The following RCOR3 variants were observed in gnomAD, a reference collection of about 807,000 sequenced individuals.
RCOR3 encodes the protein REST corepressor 3.
A neutral mutation model predicts 64.1 loss-of-function variants in RCOR3; 13 were observed. The ratio of observed to expected loss-of-function variants is 0.20; its 90% CI spans 0.13 to 0.32. The LOEUF is 0.32. Ranked by LOEUF, RCOR3 falls within the 10% of genes least tolerant of loss-of-function variation. The probability of loss-of-function intolerance (pLI) is 1.00; values close to 1 mark genes in which losing one functional copy is unlikely to be tolerated. For missense variants in RCOR3, 489 were observed against 701.2 expected, an observed-to-expected ratio of 0.70 and a Z score of 3.42; for synonymous variants, 215 against 239.0, an observed-to-expected ratio of 0.90 and a Z score of 0.93.
At chr1:211,271,991 T>C (rs1696268329) in intron 3 of RCOR3, 1 of 156,660 alleles carries the variant, frequency 6.4e-6, no homozygotes, top group Admixed American at 6.1e-5. Context: ...TAAACTTGTC[T>C]TTTTAGAATA....
rs555950357 is a variant in RCOR3 at position 211,296,207 on chromosome 1, A to T, written c.1017+454A>T. ...ATTGTCTTTGGCTCAGCTTCCACTT[A>T]TGATTTTAGTATGTGGACTTACATT... On this transcript the variant is annotated intron_variant, in intron 9 of 11. Transcript: ENST00000419091. Among the ~76,000 whole-genome samples the T allele has an allele frequency of 2.0e-5, 3 of 152,284 alleles. No homozygotes were observed. In the East Asian group the frequency reaches 5.8e-4, roughly 29 times the overall value.
rs1169650375 is a variant in RCOR3, at chr1:211,312,323, T to C, written c.1076-397T>C. 1 of 458,942 alleles carries C rather than the reference T, an allele frequency of 2.2e-6. No homozygotes were observed. The highest frequency in any genetic ancestry group is 1.5e-5 in the South Asian group (1 of 64,594). The allele number at this position is 458,942 out of a possible 1,614,324, so 28.4% of individuals were successfully genotyped here. On this transcript the variant is annotated intron_variant, in intron 10 of 11. Coordinates refer to ENST00000419091, the MANE Select transcript of RCOR3 (RefSeq NM_001136223.3). The surrounding 1 kb of genome is among the most constrained non-coding windows in gnomAD (Gnocchi z 5.0). ...AGAGAGATGGCTCATTCCCATCCAG[T>C]TTTGTTTACAAACGATGTTGCTCAA... is the stretch of plus-strand genomic sequence containing the variant.
rs145853875 is a variant in RCOR3, at chr1:211,284,955, TC to T, written c.721-4220del. Among the ~76,000 whole-genome samples, 1,150 of 152,350 alleles carry T rather than the reference TC, an allele frequency of 7.5e-3. 9 individuals carry two copies. Among genetic ancestry groups the T allele is most frequent in the Middle Eastern group, 0.027 (8 of 294 alleles). Reference sequence around the variant, plus strand: ...TTGTCAGTTAAATATTCCTTGCTAATCCCACATTTTTTCAATTACTTATAAT... The same window carrying T: ...TTGTCAGTTAAATATTCCTTGCTAATCCACATTTTTTCAATTACTTATAAT... On this transcript the variant is annotated intron_variant, in intron 7 of 11. Coordinates refer to ENST00000419091, the MANE Select transcript of RCOR3 (RefSeq NM_001136223.3).
chr1:211,283,576 G>A (rs1361577738), intron 7 of RCOR3, among the ~76,000 whole-genome samples: 1 of 152,180 alleles, frequency 6.6e-6, no homozygotes, highest in South Asian at 2.1e-4. Flanking sequence ...TCATTCATCA[G>A]GTAACTACTG....
intron 10 of RCOR3, among the ~76,000 whole-genome samples, chr1:211,308,698 T>TTTTTTTTTTG (rs1701171863): frequency 4.9e-5 from 2 of 40,846 alleles, no homozygotes; most frequent in African/African-American, 1.4e-4. Flanking sequence ...TTTTTTTTTT[T>TTTTTTTTTTG]TGTGTAGTCC....
rs1024260421 is a variant in RCOR3, at chr1:211,314,003, A to G, written c.*235A>G. On this transcript the variant is annotated 3_prime_UTR_variant, in exon 12 of 12. Transcript: ENST00000419091. ...TCCTTTCTAGAGTATATGTTCAGCA[A>G]TGTTGATCTCATAAAAGGAAAAACA... 5 of 483,178 alleles carry G rather than the reference A, an allele frequency of 1.0e-5. No homozygotes were observed. Among genetic ancestry groups the G allele is most frequent in the African/African-American group, 6.0e-5 (3 of 49,994 alleles). The allele number at this position is 483,178 out of a possible 1,614,324, so 29.9% of individuals were successfully genotyped here.
chr1:211,263,952 G>A (rs1249554323), intron 2 of RCOR3, among the ~76,000 whole-genome samples: 1 of 150,168 alleles, frequency 6.7e-6, no homozygotes, highest in Non-Finnish European at 1.5e-5. Flanking sequence ...CAAGTAGCTG[G>A]GACTACAGGC....
chr1:211,263,502 T>G (rs1694713023), intron 2 of RCOR3, among the ~76,000 whole-genome samples: 1 of 152,232 alleles, frequency 6.6e-6, no homozygotes, highest in East Asian at 1.9e-4. Flanking sequence ...GTTCACTTAC[T>G]CATTTTCTGC....
chr1:211,264,124 A>G (rs1681816047), intron 2 of RCOR3, among the ~76,000 whole-genome samples: 1 of 152,144 alleles, frequency 6.6e-6, no homozygotes, highest in African/African-American at 2.4e-5. Flanking sequence ...CACCCTGCCA[A>G]AAAGATATTT....
At chr1:211,265,112 A>G (rs1198219752) in intron 2 of RCOR3, among the ~76,000 whole-genome samples, 4 of 152,254 alleles carry the variant, frequency 2.6e-5, no homozygotes, top group Non-Finnish European at 5.9e-5. Flanking sequence ...TTACATATCC[A>G]TGAAATAATT....
At chr1:211,284,479 G>C (rs17188916) in intron 7 of RCOR3, among the ~76,000 whole-genome samples, 17,859 of 151,472 alleles carry the variant, frequency 0.12, 1,162 homozygotes, top group South Asian at 0.2. Flanking sequence ...CAGTAAATAA[G>C]TTCATGTTGT....
In RCOR3 at chr1:211,261,932, A is replaced by AAAAAAAAC. The variant is rs1694362364; in HGVS notation, c.223+1775_223+1776insCAAAAAAA. ...GAGTGAGACTCCATCTCAAAAAAAA[A>AAAAAAAAC]AAAAAAAAACTGAATTCAATTCCTA... is the stretch of plus-strand genomic sequence containing the variant. On this transcript the variant is annotated intron_variant, in intron 2 of 11. Coordinates refer to ENST00000419091, the MANE Select transcript of RCOR3 (RefSeq NM_001136223.3). Among the ~76,000 whole-genome samples, 4 of 141,094 alleles carry AAAAAAAAC rather than the reference A, an allele frequency of 2.8e-5. 1 individual carries two copies. The highest frequency in any genetic ancestry group is 7.1e-5 in the Admixed American group (1 of 14,082). 92.6% of individuals were successfully genotyped at this position (141,094 alleles called of 152,430 possible).
chr1:211,259,785 C>G lies in RCOR3; in HGVS notation c.166+59C>G. The G allele has an allele frequency of 2.3e-6, 3 of 1,322,184 alleles. No individual in the cohort carries two copies. In the South Asian group the frequency reaches 4.5e-5, roughly 20 times the overall value. 81.9% of individuals were successfully genotyped at this position (1,322,184 alleles called of 1,614,324 possible). A position where few individuals can be genotyped will look rare whatever the true frequency, so the allele number is the denominator to read the frequency against. ...CTGCCCCCCTCCCTCTTCCCCTCCC[C>G]CAGCCCCCTCCCCTCGCCGCTCTCC... On this transcript the variant is annotated intron_variant, in intron 1 of 11. Transcript: ENST00000419091.
intron 7 of RCOR3, among the ~76,000 whole-genome samples, chr1:211,280,738 C>G (rs1697671231): frequency 6.6e-6 from 1 of 152,186 alleles, no homozygotes; most frequent in South Asian, 2.1e-4. Context: ...AATCCTGGCA[C>G]TTCGGGAGGC....
In RCOR3 at chr1:211,266,205, T is replaced by C. The variant is rs183137712; in HGVS notation, c.224-5027T>C. Among the ~76,000 whole-genome samples the C allele has an allele frequency of 7.5e-4, 114 of 152,306 alleles. 1 individual carries two copies. The highest frequency in any genetic ancestry group is 3.1e-4 in the Non-Finnish European group (21 of 68,020). On this transcript the variant is annotated intron_variant, in intron 2 of 11. Transcript: ENST00000419091. ...ATTAAGTATATAATTTAGAACCTAG[T>C]ATATATAAATAGTAAAATGTTAAAA...
intron 9 of RCOR3, chr1:211,301,972 C>G (rs1439043604): frequency 6.6e-6 from 1 of 151,926 alleles, no homozygotes; most frequent in African/African-American, 2.4e-5. Context: ...TAAATATATC[C>G]TCATATTTAG....
chr1:211,269,227 G>A (rs1018084626), intron 2 of RCOR3, among the ~76,000 whole-genome samples: 1 of 152,180 alleles, frequency 6.6e-6, no homozygotes, highest in Non-Finnish European at 1.5e-5. Context: ...ACTTTGGGAG[G>A]CTGAGGCGGG....
At chr1:211,296,142 G>T (rs993079913) in intron 9 of RCOR3, among the ~76,000 whole-genome samples, 8 of 152,112 alleles carry the variant, frequency 5.3e-5, no homozygotes, top group African/African-American at 1.9e-4. Flanking sequence ...ATGAAAACAA[G>T]CTAGATTATT....
intron 6 of RCOR3, among the ~76,000 whole-genome samples, chr1:211,278,505 C>G (rs1284090790): frequency 6.6e-6 from 1 of 151,982 alleles, no homozygotes; most frequent in African/African-American, 2.4e-5. Context: ...AGAATATGTT[C>G]TATGAAAAAG....
Sources: gnomAD v4.1 joint callset for allele counts (sites outside exome capture counted in the v4.1 genomes callset) on GRCh38, gnomAD v4.1.1 for gene constraint, Gnocchi (gnomAD v3.1) non-coding constraint, MANE v1.5 for transcripts, NCBI Gene and HGNC (gene_info 2026-07-23, HGNC 2026-07-21) for gene names.